The following SHOX variants were observed in gnomAD, a reference collection of about 807,000 sequenced individuals.
SHOX encodes SHOX homeobox.
In SHOX, 12 loss-of-function variants were observed where a neutral mutation model predicts 29.6. The ratio of observed to expected loss-of-function variants is 0.41; its 90% CI spans 0.26 to 0.66. SHOX has a LOEUF of 0.66. Ranked by LOEUF, SHOX falls within the 30% of genes least tolerant of loss-of-function variation. The pLI, the probability that SHOX is intolerant of heterozygous loss-of-function variation, is 0.35. For missense variants in SHOX, 499 were observed against 437.7 expected (o/e 1.14, Z -1.25); for synonymous variants, 214 against 200.6 (o/e 1.07, Z -0.57).
intron 4 of SHOX, among the ~76,000 whole-genome samples, chrX:642,878 C>T (rs1488386606): frequency 6.7e-6 from 1 of 150,110 alleles, no homozygotes; most frequent in Non-Finnish European, 1.5e-5. Flanking sequence ...GATCTGTTGT[C>T]CTGGGAGAGG....
chrX:640,103 G>C (rs1400901742), intron 2 of SHOX, among the ~76,000 whole-genome samples: 1 of 151,788 alleles, frequency 6.6e-6, no homozygotes, highest in Non-Finnish European at 1.5e-5. Context: ...CCAGCACTTT[G>C]GGAGGCCCAG....
intron 1 of SHOX, among the ~76,000 whole-genome samples, chrX:625,098 CCTTTCTTTCTT>C (rs1199990673): frequency 1.4e-5 from 1 of 69,844 alleles, no homozygotes; most frequent in East Asian, 3.9e-4. Context: ...TCCCTCCTTC[CCTTTCTTTCTT>C]CTTTCTTTCT....
Position 630,997 on chromosome X carries a change from A to T in SHOX, c.100A>T (p.Thr34Ser). The T allele has an allele frequency of 1.2e-6, 2 of 1,613,864 alleles. No homozygotes were observed. Among genetic ancestry groups the T allele is most frequent in the Non-Finnish European group, 8.5e-7 (1 of 1,179,834 alleles). ...CGGCGGAGGTAAGAAGGATTCCATT[A>T]CGTACCGGGAAGTTTTGGAGAGCGG... ...GGGGGKKDSI[T>S]YREVLESGLA... is the part of the protein sequence containing the mutation. The change falls in exon 1 of 5, where the codon ACG becomes TCG. Residue 34 changes from threonine (T) to serine (S), a missense_variant. Coordinates refer to ENST00000686671, the MANE Select transcript of SHOX (RefSeq NM_000451.4).
intron 1 of SHOX, chrX:624,733 C>CTTTCTTTCTTTCTTTCTTTG (rs1483868415): frequency 6.8e-5 from 9 of 132,508 alleles, no homozygotes; most frequent in South Asian, 2.4e-4. Context: ...TTCTTTCTTT[C>CTTTCTTTCTTTCTTTCTTTG]TTTCTTTTCT....
At chrX:624,904 CTCTT>C (rs2052485916) in intron 1 of SHOX, among the ~76,000 whole-genome samples, 1 of 94,850 alleles carries the variant, frequency 1.1e-5, no homozygotes, top group African/African-American at 4.1e-5. Context: ...CTTTCTTTCT[CTCTT>C]CCTTTCTTTC....
At chrX:634,477 C>G (rs2895543) in intron 1 of SHOX, 141 bp from the exon 2 acceptor site, 180,769 of 864,424 alleles carry the variant, frequency 0.21, 19,670 homozygotes, top group Middle Eastern at 0.34. Flanking sequence ...CGGCTTTTGC[C>G]TTATGGACCC....
chrX:634,802 G>C lies in SHOX; in HGVS notation c.462G>C (p.Leu154=). 1.3e-6 allele frequency: 2 copies of C among 1,585,852 alleles called. No individual in the cohort carries two copies. The highest frequency in any genetic ancestry group is 8.6e-7 in the Non-Finnish European group (1 of 1,166,408). ...AFMREELSQR[L]GLSEARVQVW... ...TGCGCGAGGAGCTCAGCCAGCGCCTGGGGCTCTCCGAGGCGCGCGTGCAGG... is the reference window on the plus strand; with the variant it reads ...TGCGCGAGGAGCTCAGCCAGCGCCTCGGGCTCTCCGAGGCGCGCGTGCAGG... Residue 154 remains leucine, a synonymous_variant, in exon 2 of 5, where the codon CTG becomes CTC. Coordinates refer to ENST00000686671, the MANE Select transcript of SHOX (RefSeq NM_000451.4).
In SHOX at chrX:651,064, GC is replaced by G. The variant is rs1375772405; in HGVS notation, c.*6432del. Among the ~76,000 whole-genome samples the G allele has an allele frequency of 6.6e-6, 1 of 151,806 alleles. No homozygotes were observed. On this transcript the variant is annotated 3_prime_UTR_variant, in exon 5 of 5. Coordinates refer to ENST00000686671, the MANE Select transcript of SHOX (RefSeq NM_000451.4). ...CAGGTCCCGTGGGAAGGAGGCAAAA[GC>G]CCCTGCTTCTTACTTTGTGATGTAT... is the stretch of plus-strand genomic sequence containing the variant.
At chrX:625,413 CG>C (rs1200283878) in intron 1 of SHOX, among the ~76,000 whole-genome samples, 3 of 152,086 alleles carry the variant, frequency 2.0e-5, no homozygotes, top group Non-Finnish European at 4.4e-5. Context: ...TAACAAGACA[CG>C]GTGAAAAGTC....
In SHOX at chrX:649,096, G is replaced by A. The variant is rs982245536; in HGVS notation, c.*4460G>A. 3.6e-4 allele frequency among the ~76,000 whole-genome samples: 55 copies of A among 151,006 alleles called. No homozygotes were observed. The highest frequency in any genetic ancestry group is 1.1e-3 in the African/African-American group (44 of 41,132). On this transcript the variant is annotated 3_prime_UTR_variant, in exon 5 of 5. Transcript: ENST00000686671. ...TCTGTCACCCAGGCTGGAGTGCAGT[G>A]GTGCAATCCCAGCTCACTGCATCCT...
At chrX:658,013 C>T (rs1334182156) in intron 5 of SHOX, among the ~76,000 whole-genome samples, 1 of 152,072 alleles carries the variant, frequency 6.6e-6, no homozygotes, top group Non-Finnish European at 1.5e-5. Context: ...CTCACTCTGT[C>T]ACCCAGGCTG....
chrX:628,145 GTCTC>G (rs1349994161), upstream of SHOX, among the ~76,000 whole-genome samples: 5 of 38,358 alleles, frequency 1.3e-4, no homozygotes, highest in Non-Finnish European at 3.3e-4. Flanking sequence ...CTCTATCTGT[GTCTC>G]TCTTTTTCTC....
chrX:633,950 T>A (rs1183920953), intron 1 of SHOX, among the ~76,000 whole-genome samples: 3 of 152,202 alleles, frequency 2.0e-5, no homozygotes, highest in African/African-American at 7.2e-5. Flanking sequence ...CTACTGGAGA[T>A]GAGAAAGTGC....
In SHOX at chrX:650,791, T is replaced by TGAAAAAA. The variant is rs1569495959; in HGVS notation, c.*6155_*6156insGAAAAAA. ...AGGCTTTCGGTGGACACGTTTGACA[T>TGAAAAAA]TAAAAAAAAAAAAAAAAAAAAAAAA... is the stretch of plus-strand genomic sequence containing the variant. On this transcript the variant is annotated 3_prime_UTR_variant, in exon 5 of 5. Transcript: ENST00000686671. Among the ~76,000 whole-genome samples the TGAAAAAA allele has an allele frequency of 6.7e-5, 2 of 29,878 alleles. No individual in the cohort carries two copies. The highest frequency in any genetic ancestry group is 1.4e-4 in the Non-Finnish European group (2 of 13,872). 19.6% of individuals were successfully genotyped at this position (29,878 alleles called of 152,430 possible).
At chrX:634,199 C>G (rs1256635779) in intron 1 of SHOX, among the ~76,000 whole-genome samples, 3 of 152,236 alleles carry the variant, frequency 2.0e-5, no homozygotes, top group Non-Finnish European at 4.4e-5. Context: ...CTCCGTAGGC[C>G]TAGAATCTGC....
upstream of SHOX, among the ~76,000 whole-genome samples, chrX:629,573 C>A (rs1425752807): frequency 6.6e-6 from 1 of 152,054 alleles, no homozygotes; most frequent in Non-Finnish European, 1.5e-5. Flanking sequence ...CTGCCTCTCC[C>A]TGTCTGTCTC....
At chrX:631,480 C>T (rs969077147) in intron 1 of SHOX, among the ~76,000 whole-genome samples, 8 of 152,084 alleles carry the variant, frequency 5.3e-5, no homozygotes, top group Non-Finnish European at 1.0e-4. Flanking sequence ...GTGCCTGAAG[C>T]CGTAGGGCCT....
chrX:634,510 G>C (rs1052780874), intron 1 of SHOX, 108 bp from the exon 2 acceptor site: 5 of 1,204,562 alleles, frequency 4.2e-6, no homozygotes, highest in Non-Finnish European at 6.0e-6. Context: ...GCGTCAAAGC[G>C]CATTGGTTTT....
intron 1 of SHOX, among the ~76,000 whole-genome samples, chrX:633,263 C>T (rs17719382): frequency 0.021 from 3,209 of 152,150 alleles, 47 homozygotes; most frequent in Non-Finnish European, 0.035. Flanking sequence ...GCAAAGCCTG[C>T]GGGTGTTTGA....
Sources: gnomAD v4.1 joint callset for allele counts (sites outside exome capture counted in the v4.1 genomes callset) on GRCh38, gnomAD v4.1.1 for gene constraint, MANE v1.5 for transcripts, NCBI Gene and HGNC (gene_info 2026-07-23, HGNC 2026-07-21) for gene names.